The following ANXA8 variants were observed in gnomAD, a reference collection of about 807,000 sequenced individuals.
ANXA8 encodes the protein VAC-beta.
In ANXA8, 9 loss-of-function variants were observed where a neutral mutation model predicts 26.8. The ratio of observed to expected loss-of-function variants is 0.34; its 90% confidence interval spans 0.20 to 0.59. The LOEUF (loss-of-function observed/expected upper bound fraction) is 0.59, where lower values mean the gene tolerates loss of function less well. Ranked by LOEUF, ANXA8 falls within the 20% of genes least tolerant of loss-of-function variation. The pLI, the probability that ANXA8 is intolerant of heterozygous loss-of-function variation, is 0.84. For missense variants in ANXA8, 83 were observed against 238.5 expected, an observed-to-expected ratio of 0.35 and a Z score of 4.29; for synonymous variants, 39 against 94.8, an observed-to-expected ratio of 0.41 and a Z score of 3.42.
intron 11 of ANXA8, among the ~76,000 whole-genome samples, chr10:47,470,996 A>G (rs1839323356): frequency 1.4e-5 from 1 of 70,878 alleles, no homozygotes; most frequent in African/African-American, 5.7e-5. Flanking sequence ...AGGAGCAACC[A>G]TAACTTAAAT....
At chr10:47,744,705 G>A in the ANXA8 span, among the ~76,000 whole-genome samples, 1 of 151,764 alleles carries the variant, frequency 6.6e-6, no homozygotes, top group Non-Finnish European at 1.5e-5. Flanking sequence ...TGTTGAAAGA[G>A]CCAGGCTTAT....
chr10:47,735,775 G>A, the ANXA8 span, among the ~76,000 whole-genome samples: 1 of 151,474 alleles, frequency 6.6e-6, no homozygotes, highest in African/African-American at 2.4e-5. Flanking sequence ...ATGAGTAGCT[G>A]GGACTACAGG....
At chr10:47,626,388 G>A in the ANXA8 span, among the ~76,000 whole-genome samples, 1 of 150,254 alleles carries the variant, frequency 6.7e-6, no homozygotes. Context: ...ACTACCTAAT[G>A]TGGAAAGAAA....
At chr10:47,579,078 A>G in the ANXA8 span, among the ~76,000 whole-genome samples, 1 of 146,050 alleles carries the variant, frequency 6.8e-6, no homozygotes, top group Non-Finnish European at 1.5e-5. Context: ...CCTGGCCTCT[A>G]GTGATCCACC....
the ANXA8 span, among the ~76,000 whole-genome samples, chr10:47,776,216 T>A: frequency 6.6e-6 from 1 of 150,382 alleles, no homozygotes; most frequent in African/African-American, 2.5e-5. Context: ...TGCATCCTTA[T>A]AACAAACCCA....
the ANXA8 span, among the ~76,000 whole-genome samples, chr10:47,703,747 A>C: frequency 6.0e-5 from 9 of 149,654 alleles, no homozygotes; most frequent in Admixed American, 6.0e-4. Context: ...AGCTTACTAG[A>C]GGGAAAATAA....
chr10:47,895,024 TC>T, the ANXA8 span, among the ~76,000 whole-genome samples: 1 of 76,286 alleles, frequency 1.3e-5, no homozygotes, highest in Non-Finnish European at 3.3e-5. Flanking sequence ...CACGCACACA[TC>T]CACACAATAT....
chr10:47,645,082 A>G, the ANXA8 span, among the ~76,000 whole-genome samples: 1 of 151,646 alleles, frequency 6.6e-6, no homozygotes, highest in Admixed American at 6.6e-5. Context: ...ATCCCTAGTG[A>G]TTATACTTTC....
the ANXA8 span, among the ~76,000 whole-genome samples, chr10:47,960,421 G>T: frequency 2.7e-5 from 4 of 146,918 alleles, no homozygotes; most frequent in Non-Finnish European, 6.0e-5. Flanking sequence ...TGCACAGCCT[G>T]CTTCAGCTAA....
At chr10:47,681,297 G>A in the ANXA8 span, among the ~76,000 whole-genome samples, 3 of 151,732 alleles carry the variant, frequency 2.0e-5, no homozygotes, top group Non-Finnish European at 1.5e-5. Context: ...TGGGATAGTG[G>A]AGTTGTTATT....
chr10:47,655,503 A>G, the ANXA8 span, among the ~76,000 whole-genome samples: 140,879 of 149,042 alleles, frequency 0.95, 66,467 homozygotes, highest in East Asian at 1. Flanking sequence ...GTTTGAAGTG[A>G]TGGGCCATTG....
the ANXA8 span, among the ~76,000 whole-genome samples, chr10:47,968,222 C>G: frequency 6.7e-6 from 1 of 150,128 alleles, no homozygotes; most frequent in Non-Finnish European, 1.5e-5. Context: ...TCCTCTCCTG[C>G]TAAGCTTTGT....
the ANXA8 span, among the ~76,000 whole-genome samples, chr10:47,680,679 C>A: frequency 1.3e-5 from 2 of 151,264 alleles, no homozygotes. Flanking sequence ...TGTACAATTA[C>A]AATATGACAG....
At chr10:47,691,024 G>A in the ANXA8 span, 1 of 1,611,040 alleles carries the variant, frequency 6.2e-7, no homozygotes, top group Non-Finnish European at 8.5e-7. Flanking sequence ...CTAAAAGCCA[G>A]AAGTATAATT....
chr10:47,509,512 GT>G, the ANXA8 span, among the ~76,000 whole-genome samples: 1 of 121,220 alleles, frequency 8.2e-6, no homozygotes, highest in African/African-American at 3.1e-5. Context: ...TTATAAGCTA[GT>G]TATGTTTACA....
At chr10:47,980,559 C>T in the ANXA8 span, among the ~76,000 whole-genome samples, 7 of 151,310 alleles carry the variant, frequency 4.6e-5, no homozygotes, top group African/African-American at 1.7e-4. Context: ...TATTTCATTC[C>T]CTATACATTA....
At chr10:47,587,113 G>A in the ANXA8 span, among the ~76,000 whole-genome samples, 8 of 147,486 alleles carry the variant, frequency 5.4e-5, no homozygotes, top group East Asian at 1.9e-4. Context: ...CTGAGGCAGG[G>A]GAATCACTTG....
intron 11 of ANXA8, among the ~76,000 whole-genome samples, chr10:47,470,220 A>G (rs1839287553): frequency 6.6e-6 from 1 of 151,806 alleles, no homozygotes; most frequent in Non-Finnish European, 1.5e-5. Context: ...CTTTAATGAC[A>G]TCTGTGGTCT....
the ANXA8 span, among the ~76,000 whole-genome samples, chr10:47,535,332 C>T: frequency 5.4e-5 from 7 of 130,176 alleles, no homozygotes; most frequent in Non-Finnish European, 1.1e-4. Context: ...CAATGAATGG[C>T]GGTACCTTAG....
Sources: gnomAD v4.1 joint callset for allele counts (sites outside exome capture counted in the v4.1 genomes callset) on GRCh38, gnomAD v4.1.1 for gene constraint, MANE v1.5 for transcripts, NCBI Gene and HGNC (gene_info 2026-07-23, HGNC 2026-07-21) for gene names.